The following SNX4 variants were observed in gnomAD, a reference collection of about 807,000 sequenced individuals.
The protein encoded by SNX4 is sorting nexin 4.
In SNX4, 49 loss-of-function variants were observed where a neutral mutation model predicts 70.8. The observed-to-expected ratio is 0.69, with a 90% CI of 0.55 to 0.88. The LOEUF (loss-of-function observed/expected upper bound fraction) is 0.88, where lower values mean the gene tolerates loss of function less well. SNX4 is among the 40% of genes least tolerant of loss of function. The probability of loss-of-function intolerance (pLI) is 0.00; values close to 1 mark genes in which losing one functional copy is unlikely to be tolerated. For missense variants in SNX4, 528 were observed against 544.8 expected, an observed-to-expected ratio of 0.97 and a Z score of 0.31; for synonymous variants, 206 against 183.8, an observed-to-expected ratio of 1.12 and a Z score of -0.98.
intron 1 of SNX4, among the ~76,000 whole-genome samples, chr3:125,506,817 T>TAAAAAAAAAAAAAAAAAAAAAAAAAAAAA (rs71148182): frequency 3.7e-5 from 1 of 26,834 alleles, no homozygotes; most frequent in African/African-American, 9.7e-5. Context: ...GTGGAGAAAG[T>TAAAAAAAAAAAAAAAAAAAAAAAAAAAAA]AAAAAAAAAA....
chr3:125,505,133 C>T (rs182646070), intron 1 of SNX4, among the ~76,000 whole-genome samples: 1 of 152,148 alleles, frequency 6.6e-6, no homozygotes, highest in Non-Finnish European at 1.5e-5. Context: ...ACATGCTCAA[C>T]TGACTTTGGT....
Position 125,497,861 on chromosome 3 carries a change from G to A in SNX4, c.522C>T (p.Asp174=), listed in dbSNP as rs754197744. ...GTGTTAAAAACAGATAGAAGATTTT[G>A]TCTCTACAAAGGATGGGATGTGAAG... ...RIASHPILCR[D]KIFYLFLTQE... The change falls in exon 4 of 14, where the codon GAC becomes GAT. Residue 174 remains aspartate (D), a synonymous_variant. Coordinates refer to ENST00000251775, the MANE Select transcript of SNX4 (RefSeq NM_003794.4). 1 of 1,609,362 alleles carries A rather than the reference G, an allele frequency of 6.2e-7. No homozygotes were observed. Among genetic ancestry groups the A allele is most frequent in the South Asian group, 1.1e-5 (1 of 89,798 alleles).
intron 1 of SNX4, among the ~76,000 whole-genome samples, chr3:125,514,028 T>G (rs1475709270): frequency 2.1e-5 from 3 of 143,930 alleles, no homozygotes; most frequent in Non-Finnish European, 3.1e-5. Context: ...AAAAGGAGAC[T>G]TCTGGATTTT....
At chr3:125,512,390 C>A (rs1935189805) in intron 1 of SNX4, among the ~76,000 whole-genome samples, 1 of 151,898 alleles carries the variant, frequency 6.6e-6, no homozygotes, top group East Asian at 1.9e-4. Flanking sequence ...CATCCAGTTA[C>A]AAAGAAGGAA....
intron 6 of SNX4, among the ~76,000 whole-genome samples, chr3:125,488,867 T>C (rs1218359136): frequency 6.6e-6 from 1 of 152,216 alleles, no homozygotes. Context: ...AATTTAAAGA[T>C]TAAGCAAAAC....
chr3:125,501,550 G>A (rs1257365559), intron 2 of SNX4, among the ~76,000 whole-genome samples: 1 of 151,908 alleles, frequency 6.6e-6, no homozygotes, highest in South Asian at 2.1e-4. Context: ...AACCTGGGAA[G>A]AGGAGGTTGC....
intron 13 of SNX4, among the ~76,000 whole-genome samples, chr3:125,448,300 AT>A (rs199847928): frequency 4.4e-3 from 585 of 131,540 alleles, no homozygotes; most frequent in Middle Eastern, 8.3e-3. Context: ...TATTTTTTGT[AT>A]TTTTTTTTTT....
chr3:125,520,131 CG>C lies in SNX4; in HGVS notation c.41del (p.Pro14ArgfsTer35). The C allele has an allele frequency of 7.0e-7, 1 of 1,418,554 alleles. No homozygotes were observed. Among genetic ancestry groups the C allele is most frequent in the Non-Finnish European group, 9.2e-7 (1 of 1,087,294 alleles). The allele number at this position is 1,418,554 out of a possible 1,614,324, so 87.9% of individuals were successfully genotyped here. On this transcript the variant is annotated frameshift_variant, in exon 1 of 14. Transcript: ENST00000251775. LOFTEE classifies it high-confidence loss of function. ...GGGAGCCCAGCGGCTCCAAGGGCGC[CG>C]GCTGGAGCTGCCGCTCGGGGTCCGG... ...APPDPERQLQ[P>X]APLEPLGSPD...
chr3:125,466,466 A>G (rs1934022539), intron 9 of SNX4, among the ~76,000 whole-genome samples: 1 of 152,232 alleles, frequency 6.6e-6, no homozygotes. Flanking sequence ...GGACCTAATT[A>G]AACTAAAGAG....
intron 1 of SNX4, 64 bp downstream of exon 1, chr3:125,519,968 A>G (rs1426748229): frequency 1.6e-5 from 10 of 633,828 alleles, no homozygotes; most frequent in East Asian, 7.7e-5. Flanking sequence ...AGCCCAGCCC[A>G]GCCCAGCCCG....
Position 125,451,435 on chromosome 3 carries a change from T to C in SNX4, c.1191-16A>G, listed in dbSNP as rs374856251. Reference sequence around the variant, plus strand: ...CACAAATTCTCTGAAATAAAAGGTATAGCCATTATTATTATTTAAGTTAAA... The same window carrying C: ...CACAAATTCTCTGAAATAAAAGGTACAGCCATTATTATTATTTAAGTTAAA... On this transcript the variant is annotated splice_polypyrimidine_tract_variant and intron_variant, in intron 12 of 13. Transcript: ENST00000251775. 3.7e-5 allele frequency: 56 copies of C among 1,528,788 alleles called. No homozygotes were observed. Among genetic ancestry groups the C allele is most frequent in the Non-Finnish European group, 4.9e-5 (54 of 1,105,698 alleles). 94.7% of individuals were successfully genotyped at this position (1,528,788 alleles called of 1,614,324 possible).
intron 2 of SNX4, among the ~76,000 whole-genome samples, chr3:125,500,334 T>C (rs1237644955): frequency 6.6e-6 from 1 of 152,140 alleles, no homozygotes; most frequent in Non-Finnish European, 1.5e-5. Context: ...CTACCTATTC[T>C]AAAAGAGACA....
At chr3:125,452,388 G>A (rs529662538) in intron 12 of SNX4, among the ~76,000 whole-genome samples, 17 of 152,152 alleles carry the variant, frequency 1.1e-4, no homozygotes, top group Non-Finnish European at 2.4e-4. Flanking sequence ...GAGCCACCAC[G>A]GCCAGCTGCA....
chr3:125,462,521 T>TC (rs148463864), intron 9 of SNX4, among the ~76,000 whole-genome samples: 2,990 of 137,204 alleles, frequency 0.022, 97 homozygotes, highest in African/African-American at 0.078. Flanking sequence ...GCCCAGGAGG[T>TC]CCAAGGCTGC....
chr3:125,468,729 G>A (rs533528815), intron 9 of SNX4, among the ~76,000 whole-genome samples: 1 of 151,942 alleles, frequency 6.6e-6, no homozygotes, highest in African/African-American at 2.4e-5. Context: ...TGCACCTGTA[G>A]TCCTAGCTAC....
chr3:125,461,323 T>A (rs1358478450), intron 9 of SNX4, among the ~76,000 whole-genome samples: 1 of 152,174 alleles, frequency 6.6e-6, no homozygotes, highest in Non-Finnish European at 1.5e-5. Flanking sequence ...GTACAGACAG[T>A]GAGAATTAGC....
chr3:125,448,866 G>A (rs1167889797), intron 13 of SNX4, among the ~76,000 whole-genome samples: 1 of 151,462 alleles, frequency 6.6e-6, no homozygotes, highest in Non-Finnish European at 1.5e-5. Flanking sequence ...TAGTAGAGAT[G>A]AGATTTCACC....
rs1304812519 is a variant in SNX4 at position 125,446,704 on chromosome 3, CCAG to C, written c.*1072_*1074del. 6.6e-6 allele frequency: 1 copy of C among 152,586 alleles called. No individual in the cohort carries two copies. Among genetic ancestry groups the C allele is most frequent in the Non-Finnish European group, 1.5e-5 (1 of 68,014 alleles). 9.5% of individuals were successfully genotyped at this position (152,586 alleles called of 1,614,324 possible). A position where few individuals can be genotyped will look rare whatever the true frequency, so the allele number is the denominator to read the frequency against. On this transcript the variant is annotated 3_prime_UTR_variant, in exon 14 of 14. Coordinates refer to ENST00000251775, the MANE Select transcript of SNX4 (RefSeq NM_003794.4). Reference sequence around the variant, plus strand: ...TAAGTTTGGCAAACAGCACAAAAATCCAGCAACATTTAAAACATATAAAAAAGT... The same window carrying C: ...TAAGTTTGGCAAACAGCACAAAAATCCAACATTTAAAACATATAAAAAAGT...
At chr3:125,484,420 A>G (rs1426890151) in intron 6 of SNX4, among the ~76,000 whole-genome samples, 1 of 152,010 alleles carries the variant, frequency 6.6e-6, no homozygotes, top group Admixed American at 6.6e-5. Flanking sequence ...ACACCTGGTT[A>G]ATTTTTATAC....
Sources: allele counts gnomAD v4.1 joint callset (sites outside exome capture counted in the v4.1 genomes callset), GRCh38; gene constraint gnomAD v4.1.1; transcripts MANE v1.5; gene names NCBI Gene and HGNC (gene_info 2026-07-23, HGNC 2026-07-21).